The following PTPRT variants were observed in gnomAD, a reference collection of about 807,000 sequenced individuals.
PTPRT encodes protein tyrosine phosphatase receptor type T, also known as receptor-type tyrosine-protein phosphatase T.
In PTPRT, 56 loss-of-function variants were observed where a neutral mutation model predicts 176.8. That is an observed-to-expected ratio of 0.32 (90% CI 0.26 to 0.40). The LOEUF (loss-of-function observed/expected upper bound fraction) is 0.40. Among genes scored for constraint, PTPRT ranks in the 10% least tolerant of loss-of-function variants. PTPRT has a pLI of 1.00. For synonymous variants in PTPRT, 783 were observed against 739.0 expected (o/e 1.06, Z -0.96); for missense variants, 1,540 against 1,908.2 (o/e 0.81, Z 3.60).
intron 9 of PTPRT, among the ~76,000 whole-genome samples, chr20:42,362,844 G>A (rs368806426): frequency 1.3e-5 from 2 of 151,944 alleles, no homozygotes; most frequent in African/African-American, 4.8e-5. Flanking sequence ...GGTGGCTCAC[G>A]CCTGTAATCC....
At chr20:42,583,803 T>C (rs944594938) in intron 7 of PTPRT, among the ~76,000 whole-genome samples, 6 of 152,218 alleles carry the variant, frequency 3.9e-5, no homozygotes, top group Non-Finnish European at 8.8e-5. Context: ...ATATTTTGGT[T>C]ATTTCTATGT....
At chr20:42,818,941 G>A (rs1300535659) in intron 2 of PTPRT, among the ~76,000 whole-genome samples, 3 of 152,194 alleles carry the variant, frequency 2.0e-5, no homozygotes, top group Non-Finnish European at 2.9e-5. Flanking sequence ...GTAGCAGAAA[G>A]AGATGGGGAG....
chr20:42,319,262 C>CT (rs11483379), intron 11 of PTPRT, among the ~76,000 whole-genome samples: 15,010 of 142,564 alleles, frequency 0.11, 1,159 homozygotes, highest in African/African-American at 0.22. Context: ...AGTATCCTTC[C>CT]TTTTTTTTTT....
At chr20:42,332,570 G>A (rs6016749) in intron 11 of PTPRT, among the ~76,000 whole-genome samples, 52,170 of 151,948 alleles carry the variant, frequency 0.34, 10,255 homozygotes, top group African/African-American at 0.55. Context: ...TTTTTCATGA[G>A]GTACCTTTTT....
chr20:42,432,008 G>A (rs2059219417), intron 9 of PTPRT, among the ~76,000 whole-genome samples: 1 of 152,212 alleles, frequency 6.6e-6, no homozygotes, highest in South Asian at 2.1e-4. Context: ...CATTGCAACT[G>A]ACAGCATGGC....
intron 6 of PTPRT, chr20:42,686,359 C>G (rs1407454227): frequency 6.6e-6 from 1 of 151,758 alleles, no homozygotes; most frequent in Non-Finnish European, 1.5e-5. Flanking sequence ...TCCTTGACCC[C>G]TAGTGGGACA....
intron 8 of PTPRT, among the ~76,000 whole-genome samples, chr20:42,457,409 A>G (rs2070942717): frequency 1.2e-4 from 18 of 152,100 alleles, no homozygotes. Context: ...GTTTTTAAAA[A>G]TCTTGTTTCT....
intron 28 of PTPRT, among the ~76,000 whole-genome samples, chr20:42,085,207 G>A (rs1298576071): frequency 6.6e-6 from 1 of 152,146 alleles, no homozygotes; most frequent in Non-Finnish European, 1.5e-5. Flanking sequence ...ACTCTGAGCA[G>A]GGGGGTAGGG....
intron 9 of PTPRT, among the ~76,000 whole-genome samples, chr20:42,421,318 G>C (rs2059117075): frequency 6.6e-6 from 1 of 150,984 alleles, no homozygotes; most frequent in African/African-American, 2.4e-5. Context: ...GAGTTGCCAA[G>C]TGCAGCAGGT....
the PTPRT span, among the ~76,000 whole-genome samples, chr20:42,047,008 G>A: frequency 1.3e-5 from 2 of 152,216 alleles, no homozygotes; most frequent in Non-Finnish European, 2.9e-5. Flanking sequence ...TGCTCCCTGT[G>A]AGTTGGGTTC....
intron 13 of PTPRT, among the ~76,000 whole-genome samples, chr20:42,257,941 G>C (rs994890679): frequency 6.6e-6 from 1 of 151,982 alleles, no homozygotes; most frequent in African/African-American, 2.4e-5. Flanking sequence ...ACTAAGTAAT[G>C]GTAGCAAGCA....
intron 6 of PTPRT, among the ~76,000 whole-genome samples, chr20:42,685,232 G>A (rs1264548228): frequency 1.1e-4 from 17 of 152,214 alleles, no homozygotes; most frequent in Non-Finnish European, 1.2e-4. Flanking sequence ...CTCAGTTTCT[G>A]AAGAACGCAG....
At chr20:42,561,169 A>G (rs1359553116) in intron 7 of PTPRT, among the ~76,000 whole-genome samples, 1 of 152,192 alleles carries the variant, frequency 6.6e-6, no homozygotes, top group Non-Finnish European at 1.5e-5. Context: ...ATAACCTTAG[A>G]GATGAACTGC....
Position 42,759,505 on chromosome 20 carries a change from C to A in PTPRT, c.685-2869G>T, listed in dbSNP as rs547236565. ...ACGGTGAAACCCAGAAATCAGGTAG[C>A]ATAAAAATGCACAGAGATACAAATG... On this transcript the variant is annotated intron_variant, in intron 5 of 30. Coordinates refer to ENST00000373187, the MANE Select transcript of PTPRT (RefSeq NM_007050.6). Among the ~76,000 whole-genome samples the A allele has an allele frequency of 2.0e-4, 31 of 152,192 alleles. No homozygotes were observed. The South Asian group carries it at 6.0e-3, about 30-fold the overall frequency.
rs142778654 is a variant in PTPRT, at chr20:42,859,059, G to A, written c.214+26748C>T. On this transcript the variant is annotated intron_variant, in intron 2 of 30. Coordinates refer to ENST00000373187, the MANE Select transcript of PTPRT (RefSeq NM_007050.6). The stretch of plus-strand genomic sequence containing the variant: ...CCTTTGTGCCTCAATGAGCTGCAGC[G>A]TCAGGAGAAGGGACTCCAGTAGATA... Among the ~76,000 whole-genome samples, 436 of 152,278 alleles carry A rather than the reference G, an allele frequency of 2.9e-3. 3 individuals are homozygous for A. The highest frequency in any genetic ancestry group is 9.8e-3 in the African/African-American group (407 of 41,562).
Position 43,001,482 on chromosome 20 carries a change from C to CA in PTPRT, c.89-115551dup, listed in dbSNP as rs11345196. ...CAAAGGTGGATACTCATAACAACAACAAAAAAAAAACAGATTTAAAGGTAA... is the reference window on the plus strand; with the variant it reads ...CAAAGGTGGATACTCATAACAACAACAAAAAAAAAAACAGATTTAAAGGTAA... On this transcript the variant is annotated intron_variant, in intron 1 of 30. Coordinates refer to ENST00000373187, the MANE Select transcript of PTPRT (RefSeq NM_007050.6). 6.3e-3 allele frequency among the ~76,000 whole-genome samples: 920 copies of CA among 146,204 alleles called. 8 individuals are homozygous for CA. Among genetic ancestry groups the CA allele is most frequent in the Middle Eastern group, 0.035 (10 of 282 alleles).
At chr20:42,874,074 C>T (rs892248089) in intron 2 of PTPRT, among the ~76,000 whole-genome samples, 4 of 152,162 alleles carry the variant, frequency 2.6e-5, no homozygotes, top group African/African-American at 9.7e-5. Context: ...GCAGCCCAAT[C>T]GGTTGAATGG....
intron 7 of PTPRT, among the ~76,000 whole-genome samples, chr20:42,515,239 C>T (rs2072038702): frequency 6.6e-6 from 1 of 152,188 alleles, no homozygotes; most frequent in South Asian, 2.1e-4. Flanking sequence ...AATCCCAGCA[C>T]TCTGGGAGGC....
Position 42,146,266 on chromosome 20 carries a change from T to C in PTPRT, c.2683-4264A>G, listed in dbSNP as rs191449462. Among the ~76,000 whole-genome samples the C allele has an allele frequency of 5.9e-5, 9 of 152,324 alleles. No homozygotes were observed. In the East Asian group the frequency reaches 1.2e-3, roughly 20 times the overall value. On this transcript the variant is annotated intron_variant, in intron 17 of 30. Coordinates refer to ENST00000373187, the MANE Select transcript of PTPRT (RefSeq NM_007050.6). ...ACTTCTGGATGTCAAAGCTGATCTA[T>C]TGAGGGTGGATTTTGTACCTGAAAC...
Sources: allele counts gnomAD v4.1 joint callset (sites outside exome capture counted in the v4.1 genomes callset), GRCh38; gene constraint gnomAD v4.1.1; transcripts MANE v1.5; gene names NCBI Gene and HGNC (gene_info 2026-07-23, HGNC 2026-07-21).